The following NOL4 variants were observed in gnomAD, a reference collection of about 807,000 sequenced individuals.
NOL4 encodes the protein nucleolar protein 4.
NOL4 carries 17 observed loss-of-function variants against 75.9 expected under a neutral mutation model. The ratio of observed to expected loss-of-function variants is 0.22; its 90% CI spans 0.15 to 0.34. The LOEUF is 0.34. Ranked by LOEUF, NOL4 falls within the 10% of genes least tolerant of loss-of-function variation. The pLI is 1.00. For missense variants in NOL4, 614 were observed against 793.5 expected (o/e 0.77, Z 2.72); for synonymous variants, 292 against 289.9 (o/e 1.01, Z -0.07).
rs575786015 is a variant in NOL4 at position 34,118,293 on chromosome 18, A to C, written c.414+11578T>G. Reference sequence around the variant, plus strand: ...AAACTTCTGACATTTTCTCTTATCAATATCCTGCAGATCATGGATAAAGAA... The same window carrying C: ...AAACTTCTGACATTTTCTCTTATCACTATCCTGCAGATCATGGATAAAGAA... On this transcript the variant is annotated intron_variant, in intron 2 of 10. Coordinates refer to ENST00000261592, the MANE Select transcript of NOL4 (RefSeq NM_003787.5). 2.6e-5 allele frequency among the ~76,000 whole-genome samples: 4 copies of C among 152,324 alleles called. No individual in the cohort carries two copies. The South Asian group carries it at 8.3e-4, about 32-fold the overall frequency.
intron 9 of NOL4, among the ~76,000 whole-genome samples, chr18:33,888,399 C>T (rs2064892206): frequency 6.6e-6 from 1 of 152,084 alleles, no homozygotes; most frequent in Admixed American, 6.6e-5. Context: ...GTTTCTTTTG[C>T]TGTGCAGAAG....
chr18:33,910,123 T>G (rs564415232), intron 9 of NOL4, among the ~76,000 whole-genome samples: 18 of 152,358 alleles, frequency 1.2e-4, no homozygotes, highest in African/African-American at 4.3e-4. Flanking sequence ...TCTTGAGGAT[T>G]TTGTTTAATT....
chr18:33,902,295 T>G (rs540342306), intron 9 of NOL4, among the ~76,000 whole-genome samples: 1 of 152,220 alleles, frequency 6.6e-6, no homozygotes, highest in South Asian at 2.1e-4. Context: ...CCTGTTTCTT[T>G]TTGAAAACTT....
intron 6 of NOL4, among the ~76,000 whole-genome samples, chr18:33,984,860 A>C (rs1400261832): frequency 6.6e-6 from 1 of 152,082 alleles, no homozygotes; most frequent in Non-Finnish European, 1.5e-5. Context: ...AGTGAATTCT[A>C]CATTTTTTCG....
intron 9 of NOL4, among the ~76,000 whole-genome samples, chr18:33,935,991 T>A (rs912819766): frequency 3.9e-5 from 6 of 152,148 alleles, no homozygotes; most frequent in African/African-American, 1.4e-4. Flanking sequence ...AATATCACAA[T>A]GTCTAAATTT....
intron 1 of NOL4, among the ~76,000 whole-genome samples, chr18:34,198,130 C>T (rs1252209016): frequency 2.0e-5 from 3 of 151,840 alleles, no homozygotes; most frequent in African/African-American, 7.2e-5. Context: ...AATAAAAATA[C>T]ATTGCATACA....
chr18:33,858,510 C>T (rs1354154792), intron 10 of NOL4, among the ~76,000 whole-genome samples: 1 of 151,830 alleles, frequency 6.6e-6, no homozygotes, highest in Non-Finnish European at 1.5e-5. Flanking sequence ...TTTCCTTCTC[C>T]AGATGACTAA....
intron 10 of NOL4, among the ~76,000 whole-genome samples, chr18:33,878,502 A>C (rs1469590629): frequency 2.0e-5 from 3 of 152,054 alleles, no homozygotes; most frequent in African/African-American, 4.8e-5. Flanking sequence ...CAATGCCTTA[A>C]ATTTTTAAGT....
chr18:33,889,150 A>G (rs1233329120), intron 9 of NOL4, among the ~76,000 whole-genome samples: 3 of 152,102 alleles, frequency 2.0e-5, no homozygotes, highest in African/African-American at 7.2e-5. Context: ...AAAAGAGGGA[A>G]GAATCAAATA....
chr18:33,981,084 TTAG>T (rs932401449), intron 6 of NOL4, among the ~76,000 whole-genome samples: 3 of 151,972 alleles, frequency 2.0e-5, no homozygotes, highest in Non-Finnish European at 4.4e-5. Flanking sequence ...GATAGGCTCA[TTAG>T]TAGACTGGAC....
chr18:34,067,747 T>C (rs983159411), intron 5 of NOL4, among the ~76,000 whole-genome samples: 1 of 151,838 alleles, frequency 6.6e-6, no homozygotes, highest in Non-Finnish European at 1.5e-5. Context: ...GCAGGTGGAG[T>C]AGGTTTTATT....
chr18:34,141,013 A>C (rs2081129839), intron 1 of NOL4, among the ~76,000 whole-genome samples: 1 of 152,072 alleles, frequency 6.6e-6, no homozygotes, highest in Non-Finnish European at 1.5e-5. Context: ...ATGTGCAAAA[A>C]TCACAAGCAT....
chr18:33,994,795 G>GATCTTTATTCTT (rs2073157579), intron 6 of NOL4, among the ~76,000 whole-genome samples: 1 of 151,536 alleles, frequency 6.6e-6, no homozygotes, highest in Non-Finnish European at 1.5e-5. Flanking sequence ...GAAGATTTGA[G>GATCTTTATTCTT]TGGAAATTAA....
intron 6 of NOL4, among the ~76,000 whole-genome samples, chr18:33,988,834 C>A (rs944212186): frequency 6.6e-6 from 1 of 151,884 alleles, no homozygotes; most frequent in East Asian, 1.9e-4. Context: ...TACCTTCTTC[C>A]TTTTCTGCGG....
chr18:34,114,877 A>C (rs1019594733), intron 2 of NOL4, among the ~76,000 whole-genome samples: 1 of 152,218 alleles, frequency 6.6e-6, no homozygotes, highest in Admixed American at 6.5e-5. Flanking sequence ...CAGACAAAAA[A>C]AAAAAATTTC....
At chr18:34,175,771 C>T (rs1400263673) in intron 1 of NOL4, among the ~76,000 whole-genome samples, 2 of 151,994 alleles carry the variant, frequency 1.3e-5, no homozygotes, top group Admixed American at 6.6e-5. Context: ...CTACACATGA[C>T]AAAGAATATA....
intron 5 of NOL4, among the ~76,000 whole-genome samples, chr18:34,040,181 T>C (rs555053317): frequency 6.6e-6 from 1 of 152,112 alleles, no homozygotes; most frequent in African/African-American, 2.4e-5. Flanking sequence ...TCTATTTATC[T>C]CTCGTTTGGA....
intron 9 of NOL4, among the ~76,000 whole-genome samples, chr18:33,914,237 C>G (rs2066578876): frequency 6.6e-6 from 1 of 151,966 alleles, no homozygotes; most frequent in Non-Finnish European, 1.5e-5. Context: ...AAGGAGCAAG[C>G]CACGTGAATG....
intron 5 of NOL4, among the ~76,000 whole-genome samples, chr18:34,088,971 T>C (rs2078375813): frequency 6.6e-6 from 1 of 152,100 alleles, no homozygotes. Context: ...TGGGGAAAAA[T>C]ATTTTTCTTC....
Sources: gnomAD v4.1 joint callset for allele counts (sites outside exome capture counted in the v4.1 genomes callset) on GRCh38, gnomAD v4.1.1 for gene constraint, MANE v1.5 for transcripts, NCBI Gene and HGNC (gene_info 2026-07-23, HGNC 2026-07-21) for gene names.